The following C2 variants were observed in gnomAD, a reference collection of about 807,000 sequenced individuals.
C2 encodes complement C2, also known as C3/C5 convertase.
C2 carries 64 observed loss-of-function variants against 85.2 expected under a neutral mutation model. The observed-to-expected ratio is 0.75, with a 90% CI of 0.61 to 0.92. C2 has a LOEUF of 0.92. Ranked by LOEUF, C2 falls within the 40% of genes least tolerant of loss-of-function variation. The pLI, the probability that C2 is intolerant of heterozygous loss-of-function variation, is 0.00. For missense variants in C2, 820 were observed against 971.6 expected, an observed-to-expected ratio of 0.84 and a Z score of 2.07; for synonymous variants, 311 against 370.8, an observed-to-expected ratio of 0.84 and a Z score of 1.85.
chr6:31,933,706 A>G lies in C2; in HGVS notation c.539A>G (p.Asn180Ser). Residue 180 changes from asparagine to serine, a missense_variant, in exon 4 of 18, where the codon AAT becomes AGT. By Grantham distance (46) the Asn-to-Ser change is conservative (BLOSUM62 1). Coordinates refer to ENST00000299367, the MANE Select transcript of C2 (RefSeq NM_000063.6). ...AAGGTCCGCTATCGCTGCTCCTCGA[A>G]TCTTGTGCTCACGGGGTCTTCGGAG... is the stretch of plus-strand genomic sequence containing the variant. ...GDKVRYRCSSNLVLTGSSERE... is the reference protein window; with the variant it reads ...GDKVRYRCSSSLVLTGSSERE... The G allele has an allele frequency of 6.2e-7, 1 of 1,613,258 alleles. No homozygotes were observed.
chr6:31,899,861 G>A, upstream of C2: 2 of 1,491,066 alleles, frequency 1.3e-6, no homozygotes, highest in Middle Eastern at 2.5e-4. Flanking sequence ...AATTCTCCTG[G>A]GCCAAAGAGC....
At chr6:31,929,558 A>C (rs1769554100) in intron 3 of C2, among the ~76,000 whole-genome samples, 1 of 151,330 alleles carries the variant, frequency 6.6e-6, no homozygotes, top group Non-Finnish European at 1.5e-5. Context: ...GTCTCTAGTA[A>C]AAATACAAAA....
At chr6:31,933,999 G>C (rs755658326) in intron 5 of C2, 34 bp downstream of exon 5, 174 of 1,593,430 alleles carry the variant, frequency 1.1e-4, no homozygotes, top group Middle Eastern at 8.3e-4. Context: ...TGGTTGAGCA[G>C]GGTGCTGGAT....
intron 1 of C2, among the ~76,000 whole-genome samples, chr6:31,908,843 A>G (rs115867838): frequency 0.013 from 1,978 of 152,060 alleles, 71 homozygotes; most frequent in African/African-American, 0.044. Flanking sequence ...GGTTACATAC[A>G]TTGTTTTTAG....
chr6:31,917,390 C>A (rs1429732868), upstream of C2, among the ~76,000 whole-genome samples: 1 of 151,642 alleles, frequency 6.6e-6, no homozygotes, highest in African/African-American at 2.4e-5. Context: ...GAACAGAAAA[C>A]CAAATGCCTA....
intron 9 of C2, among the ~76,000 whole-genome samples, chr6:31,942,681 G>C (rs906643967): frequency 9.9e-5 from 15 of 152,202 alleles, no homozygotes; most frequent in Non-Finnish European, 1.3e-4. Context: ...GGAAGTCTGG[G>C]GGGGAGGAGT....
upstream of C2, among the ~76,000 whole-genome samples, chr6:31,917,608 T>A (rs985212908): frequency 6.7e-6 from 1 of 150,042 alleles, no homozygotes; most frequent in African/African-American, 2.5e-5. Context: ...GTTGGAATTT[T>A]AAAAAAAGAA....
At chr6:31,901,344 G>C in intron 1 of C2, 1 of 1,574,842 alleles carries the variant, frequency 6.3e-7, no homozygotes, top group Non-Finnish European at 8.6e-7. Context: ...GAAGGAAACC[G>C]GTCAGAGACA....
chr6:31,917,172 G>GA (rs1273347156), upstream of C2, among the ~76,000 whole-genome samples: 1,000 of 83,166 alleles, frequency 0.012, 14 homozygotes, highest in South Asian at 0.029. Flanking sequence ...CTCTGTCTCA[G>GA]AAAAAAAAAA....
At chr6:31,901,401 A>G in intron 1 of C2, 1 of 1,332,374 alleles carries the variant, frequency 7.5e-7, no homozygotes, top group Admixed American at 2.7e-5. Flanking sequence ...CCTCGCCCCC[A>G]TTCTTGCCCA....
chr6:31,928,862 T>C lies in C2; in HGVS notation c.387T>C (p.Arg129=), dbSNP rs371420097. 1.2e-6 allele frequency: 2 copies of C among 1,614,182 alleles called. No homozygotes were observed. Among genetic ancestry groups the C allele is most frequent in the Non-Finnish European group, 1.7e-6 (2 of 1,180,030 alleles). Residue 129 remains arginine (R), a synonymous_variant, in exon 3 of 18, where the codon CGT becomes CGC. Coordinates refer to ENST00000299367, the MANE Select transcript of C2 (RefSeq NM_000063.6). ...DGFILRGSPV[R]QCRPNGMWDG... Reference sequence around the variant, plus strand: ...TCATATTGCGGGGCTCGCCTGTGCGTCAGTGTCGCCCCAACGGCATGTGGG... The same window carrying C: ...TCATATTGCGGGGCTCGCCTGTGCGCCAGTGTCGCCCCAACGGCATGTGGG...
chr6:31,939,417 C>A, intron 9 of C2, 97 bp downstream of exon 9: 1 of 973,706 alleles, frequency 1.0e-6, no homozygotes, highest in Non-Finnish European at 1.6e-6. Flanking sequence ...GGTCCAGAGC[C>A]ACATGGTTTT....
intron 3 of C2, among the ~76,000 whole-genome samples, 164 bp from the exon 4 acceptor site, chr6:31,933,446 A>G (rs1387647893): frequency 6.6e-6 from 1 of 152,046 alleles, no homozygotes; most frequent in Non-Finnish European, 1.5e-5. Flanking sequence ...GAGTGGAGGG[A>G]CCATCAGCTG....
intron 9 of C2, 105 bp from the exon 10 acceptor site, chr6:31,942,854 C>T: frequency 7.0e-7 from 1 of 1,429,384 alleles, no homozygotes; most frequent in Non-Finnish European, 9.8e-7. Context: ...GGGTCCAGCT[C>T]ATGTAGGTCT....
At chr6:31,929,626 G>T (rs1478829526) in intron 3 of C2, among the ~76,000 whole-genome samples, 2 of 150,168 alleles carry the variant, frequency 1.3e-5, no homozygotes, top group Non-Finnish European at 2.9e-5. Flanking sequence ...GGCTGAGGCA[G>T]GAGAATCATT....
chr6:31,913,094 G>T (rs1012820382), intron 1 of C2, among the ~76,000 whole-genome samples: 3 of 149,686 alleles, frequency 2.0e-5, no homozygotes, highest in Non-Finnish European at 4.4e-5. Context: ...CTTGGGCACT[G>T]TATATATACA....
In C2 at chr6:31,944,846, C is replaced by T. The variant is rs749532617; in HGVS notation, c.2022C>T (p.Pro674=). The T allele has an allele frequency of 1.8e-5, 29 of 1,612,982 alleles. No individual in the cohort carries two copies. The highest frequency in any genetic ancestry group is 2.5e-5 in the Non-Finnish European group (29 of 1,180,052). Residue 674 remains proline (P), a synonymous_variant, in exon 16 of 18, where the codon CCC becomes CCT. Transcript: ENST00000299367. The surrounding 1 kb of genome is among the most constrained non-coding windows in gnomAD (Gnocchi z 5.1). ...LCSGTQEDES[P]CKGESGGAVF... Reference sequence around the variant, plus strand: ...GTGGGACCCAGGAGGATGAGAGTCCCTGCAAGGGTGAGTCCCTCACCATGC... The same window carrying T: ...GTGGGACCCAGGAGGATGAGAGTCCTTGCAAGGGTGAGTCCCTCACCATGC...
Position 31,927,727 on chromosome 6 carries a change from C to T in C2, c.-26C>T. ...CCTTTTCCCTCCCGCGGCTCTCTAC[C>T]TCTCGCCGCCCCTAGGGAGGACACC... On this transcript the variant is annotated 5_prime_UTR_variant, in exon 1 of 18. Coordinates refer to ENST00000299367, the MANE Select transcript of C2 (RefSeq NM_000063.6). The surrounding 1 kb of genome is among the most constrained non-coding windows in gnomAD (Gnocchi z 4.7). 6.2e-7 allele frequency: 1 copy of T among 1,613,014 alleles called. No homozygotes were observed. Among genetic ancestry groups the T allele is most frequent in the African/African-American group, 1.3e-5 (1 of 75,026 alleles).
chr6:31,929,915 G>A (rs112267383), intron 3 of C2, among the ~76,000 whole-genome samples: 3,660 of 150,006 alleles, frequency 0.024, 129 homozygotes, highest in African/African-American at 0.084. Context: ...AGGAGGCTGA[G>A]GCAGGAGAAT....
Sources: gnomAD v4.1 joint callset for allele counts (sites outside exome capture counted in the v4.1 genomes callset) on GRCh38, gnomAD v4.1.1 for gene constraint, Gnocchi (gnomAD v3.1) non-coding constraint, MANE v1.5 for transcripts, NCBI Gene and HGNC (gene_info 2026-07-23, HGNC 2026-07-21) for gene names.